Variants in IGF2BP1 observed in about 807,000 individuals in gnomAD.
IGF2BP1 encodes the protein insulin like growth factor 2 mRNA binding protein 1, also known as insulin-like growth factor 2 mRNA-binding protein 1.
A neutral mutation model predicts 74.9 loss-of-function variants in IGF2BP1; 11 were observed. That is an observed-to-expected ratio of 0.15 (90% confidence interval 0.09 to 0.24). IGF2BP1 has a LOEUF of 0.24. Among genes scored for constraint, IGF2BP1 ranks in the 10% least tolerant of loss-of-function variants. The pLI, the probability that IGF2BP1 is intolerant of heterozygous loss-of-function variation, is 1.00. For missense variants in IGF2BP1, 440 were observed against 757.4 expected (o/e 0.58, Z 4.92); for synonymous variants, 287 against 281.8 (o/e 1.02, Z -0.18).
At chr17:49,022,297 A>G (rs2041802052) in intron 2 of IGF2BP1, among the ~76,000 whole-genome samples, 1 of 152,218 alleles carries the variant, frequency 6.6e-6, no homozygotes, top group Non-Finnish European at 1.5e-5. Context: ...GTGATCAGAA[A>G]TGCCCCATGT....
chr17:49,026,635 G>T lies in IGF2BP1; in HGVS notation c.337+118G>T, dbSNP rs766223507. 1.4e-3 allele frequency: 580 copies of T among 417,830 alleles called. 2 individuals are homozygous for T. Among genetic ancestry groups the T allele is most frequent in the Middle Eastern group, 3.5e-3 (5 of 1,412 alleles). The allele number at this position is 417,830 out of a possible 1,614,324, so 25.9% of individuals were successfully genotyped here. On this transcript the variant is annotated intron_variant, in intron 4 of 14. Transcript: ENST00000290341. ...TCCCTTCCTTCCTTCCTTCCTTCCT[G>T]CCTTCCTTCCTGCCTGCCTTCCTGC...
chr17:49,002,699 ATTTT>A (rs60312699), intron 2 of IGF2BP1, among the ~76,000 whole-genome samples: 2 of 139,210 alleles, frequency 1.4e-5, no homozygotes, highest in Non-Finnish European at 3.2e-5. Context: ...TTAGGTTAGA[ATTTT>A]TTTTTTTTTT....
intron 4 of IGF2BP1, among the ~76,000 whole-genome samples, chr17:49,029,326 G>T (rs1027660396): frequency 6.6e-6 from 1 of 152,210 alleles, no homozygotes; most frequent in East Asian, 1.9e-4. Context: ...AGTTAAGAGT[G>T]GCCTGGGGCC....
chr17:49,040,063 A>G lies in IGF2BP1; in HGVS notation c.790A>G (p.Met264Val), dbSNP rs1475745177. 6.2e-7 allele frequency: 1 copy of G among 1,614,168 alleles called. No individual in the cohort carries two copies. The highest frequency in any genetic ancestry group is 8.5e-7 in the Non-Finnish European group (1 of 1,180,040). ...SSACKMILEI[M>V]HKEAKDTKTA... is the part of the protein sequence containing the mutation. ...CGCTTGTAAGATGATCTTGGAGATT[A>G]TGCATAAAGAGGCTAAGGACACCAA... Residue 264 changes from methionine to valine, a missense_variant, in exon 7 of 15, where the codon ATG becomes GTG. Met to Val is a conservative substitution (Grantham distance 21). This residue lies in a region of IGF2BP1 where 184 missense variants were observed against 273.4 expected (regional missense o/e 0.67). Coordinates refer to ENST00000290341, the MANE Select transcript of IGF2BP1 (RefSeq NM_006546.4).
rs1413034685 is a variant in IGF2BP1, at chr17:48,997,704, TC to T, written c.-41del. The T allele has an allele frequency of 1.3e-6, 2 of 1,591,924 alleles. No homozygotes were observed. The highest frequency in any genetic ancestry group is 2.3e-5 in the South Asian group (2 of 88,178). On this transcript the variant is annotated 5_prime_UTR_variant, in exon 1 of 15. Coordinates refer to ENST00000290341, the MANE Select transcript of IGF2BP1 (RefSeq NM_006546.4). This position sits in a 1 kb window ranked among gnomAD's most constrained non-coding sequence, Gnocchi z 4.8. The stretch of plus-strand genomic sequence containing the variant: ...AGGCTCGCCGCCCGCGCCCGCTCGT[TC>T]GGCCTTGCCCGGGACCGCGTCCTGC...
chr17:48,998,019 G>C (rs1366157236), intron 1 of IGF2BP1, 99 bp downstream of exon 1: 6 of 1,404,136 alleles, frequency 4.3e-6, no homozygotes, highest in South Asian at 2.7e-5. Flanking sequence ...CTCTCTTCCC[G>C]GGCCTGCGGG....
Position 49,026,532 on chromosome 17 carries a change from G to C in IGF2BP1, c.337+15G>C, listed in dbSNP as rs372601508. ...CTGTGAGCAAGGTAAGAGTGGGCCG[G>C]GTGTGGGGTGGCACTCGTGGTGGGG... is the stretch of plus-strand genomic sequence containing the variant. On this transcript the variant is annotated intron_variant, in intron 4 of 14. Transcript: ENST00000290341. The C allele has an allele frequency of 6.2e-7, 1 of 1,612,778 alleles. No homozygotes were observed. Among genetic ancestry groups the C allele is most frequent in the South Asian group, 1.1e-5 (1 of 91,070 alleles).
Position 48,997,701 on chromosome 17 carries a change from C to T in IGF2BP1, c.-45C>T, listed in dbSNP as rs745383915. On this transcript the variant is annotated 5_prime_UTR_variant, in exon 1 of 15. Transcript: ENST00000290341. This position sits in a 1 kb window ranked among gnomAD's most constrained non-coding sequence, Gnocchi z 4.8. ...AGGAGGCTCGCCGCCCGCGCCCGCT[C>T]GTTCGGCCTTGCCCGGGACCGCGTC... The T allele has an allele frequency of 2.8e-5, 45 of 1,589,512 alleles. No homozygotes were observed. The highest frequency in any genetic ancestry group is 3.6e-5 in the Non-Finnish European group (42 of 1,166,544).
At chr17:49,028,303 G>A (rs986843298) in intron 4 of IGF2BP1, among the ~76,000 whole-genome samples, 4 of 152,226 alleles carry the variant, frequency 2.6e-5, no homozygotes, top group African/African-American at 7.2e-5. Flanking sequence ...CTTGGTTTGA[G>A]ATTTAAATAT....
At position 49,053,962 on chromosome 17, in the gene IGF2BP1, A is replaced by G. The variant is rs2042196856; in HGVS notation, c.*4518A>G. 2 of 152,822 alleles carry G rather than the reference A, an allele frequency of 1.3e-5. No homozygotes were observed. Among genetic ancestry groups the G allele is most frequent in the South Asian group, 4.1e-4 (2 of 4,832 alleles). The allele number at this position is 152,822 out of a possible 1,614,324, so 9.5% of individuals were successfully genotyped here. A position where few individuals can be genotyped will look rare whatever the true frequency, so the allele number is the denominator to read the frequency against. On this transcript the variant is annotated 3_prime_UTR_variant, in exon 15 of 15. Transcript: ENST00000290341. ...CAGTAATTGCAGGAAGATTGAAGAA[A>G]AATCCTCATCAATGCCAGGGGACAT...
chr17:49,015,400 C>A (rs62078401), intron 2 of IGF2BP1, among the ~76,000 whole-genome samples: 7 of 152,194 alleles, frequency 4.6e-5, no homozygotes, highest in Non-Finnish European at 8.8e-5. Context: ...ACCTTTCCCT[C>A]GGTCGGAGCT....
chr17:49,008,280 A>C (rs1567810167), intron 2 of IGF2BP1, among the ~76,000 whole-genome samples: 1 of 152,216 alleles, frequency 6.6e-6, no homozygotes, highest in African/African-American at 2.4e-5. Flanking sequence ...GACTAGATGT[A>C]CTAGGATGTT....
In IGF2BP1 at chr17:49,050,903, C is replaced by T. The variant is rs925891257; in HGVS notation, c.*1459C>T. ...GACAATGCATATTAGCCAGGTAATG[C>T]ACTTTAGCTACCCTGGACAATGCTA... On this transcript the variant is annotated 3_prime_UTR_variant, in exon 15 of 15. Transcript: ENST00000290341. 6 of 152,578 alleles carry T rather than the reference C, an allele frequency of 3.9e-5. No homozygotes were observed. Among genetic ancestry groups the T allele is most frequent in the African/African-American group, 2.4e-5 (1 of 41,418 alleles). The allele number at this position is 152,578 out of a possible 1,614,324, so 9.5% of individuals were successfully genotyped here. A position where few individuals can be genotyped will look rare whatever the true frequency, so the allele number is the denominator to read the frequency against.
At chr17:49,019,907 TATATATA>T (rs2041757762) in intron 2 of IGF2BP1, among the ~76,000 whole-genome samples, 4 of 16,544 alleles carry the variant, frequency 2.4e-4, no homozygotes, top group African/African-American at 1.3e-3. Context: ...GGCTAATTTA[TATATATA>T]TATATATATA....
intron 2 of IGF2BP1, among the ~76,000 whole-genome samples, chr17:49,019,090 G>A (rs905006665): frequency 6.6e-6 from 1 of 152,156 alleles, no homozygotes; most frequent in African/African-American, 2.4e-5. Context: ...CCTCTAGGGA[G>A]GGGTGAGGGA....
At chr17:49,000,870 C>T (rs76849307) in intron 2 of IGF2BP1, among the ~76,000 whole-genome samples, 1 of 151,756 alleles carries the variant, frequency 6.6e-6, no homozygotes, top group East Asian at 1.9e-4. Flanking sequence ...GGCCCTTTTT[C>T]CCTCCAAAAT....
At chr17:49,019,330 G>A (rs757202697) in intron 2 of IGF2BP1, among the ~76,000 whole-genome samples, 2 of 152,030 alleles carry the variant, frequency 1.3e-5, no homozygotes, top group Admixed American at 6.6e-5. Context: ...CCAACCCCCC[G>A]TAAGCTCCTC....
At chr17:49,009,610 G>A (rs2041592011) in intron 2 of IGF2BP1, among the ~76,000 whole-genome samples, 2 of 151,898 alleles carry the variant, frequency 1.3e-5, no homozygotes, top group Admixed American at 1.3e-4. Flanking sequence ...TCTGGAGGCT[G>A]AGGCAGGAGA....
intron 2 of IGF2BP1, among the ~76,000 whole-genome samples, chr17:49,001,364 C>T (rs546776194): frequency 6.6e-6 from 1 of 152,160 alleles, no homozygotes; most frequent in African/African-American, 2.4e-5. Flanking sequence ...TTGTATTTTC[C>T]TTATGAACTC....
Sources: allele counts gnomAD v4.1 joint callset (sites outside exome capture counted in the v4.1 genomes callset), GRCh38; gene constraint gnomAD v4.1.1; regional missense constraint gnomAD v4.1.1; non-coding constraint Gnocchi (gnomAD v3.1); transcripts MANE v1.5; gene names NCBI Gene and HGNC (gene_info 2026-07-23, HGNC 2026-07-21).